MRAP2: variants seen among roughly 807,000 people sequenced by gnomAD.
MRAP2 encodes the protein melanocortin 2 receptor accessory protein 2.
A neutral mutation model predicts 17.4 loss-of-function variants in MRAP2; 20 were observed. The ratio of observed to expected loss-of-function variants is 1.15; its 90% CI spans 0.81 to 1.67. The LOEUF (loss-of-function observed/expected upper bound fraction) is 1.67, where lower values mean the gene tolerates loss of function less well. Ranked by LOEUF, MRAP2 falls within the 40% of genes most tolerant of loss-of-function variation. The pLI is 0.00. For synonymous variants in MRAP2, 96 were observed against 88.4 expected, an observed-to-expected ratio of 1.09 and a Z score of -0.48; for missense variants, 238 against 240.0, an observed-to-expected ratio of 0.99 and a Z score of 0.05.
Position 84,062,969 on chromosome 6 carries a change from C to A in MRAP2, c.204C>A (p.Thr68=). The A allele has an allele frequency of 6.2e-7, 1 of 1,614,050 alleles. No homozygotes were observed. The highest frequency in any genetic ancestry group is 8.5e-7 in the Non-Finnish European group (1 of 1,180,004). ...TGTTTTTTGTGCTGACCTTGCTGAC[C>A]AAGACAGGAGCCCCACACCAAGAGT... ...IFMFFVLTLL[T]KTGAPHQDNA... is the part of the protein sequence containing the mutation. The change falls in exon 3 of 4, where the codon ACC becomes ACA. Residue 68 remains threonine, a synonymous_variant. Transcript: ENST00000257776.
At chr6:84,145,019 T>G in the MRAP2 span, among the ~76,000 whole-genome samples, 1 of 152,154 alleles carries the variant, frequency 6.6e-6, no homozygotes, top group Non-Finnish European at 1.5e-5. Flanking sequence ...AGGCTTTGAT[T>G]GGAATGTCAT....
chr6:84,082,664 G>A (rs559181741), intron 3 of MRAP2, among the ~76,000 whole-genome samples: 7 of 152,158 alleles, frequency 4.6e-5, no homozygotes, highest in Non-Finnish European at 8.8e-5. Flanking sequence ...GGCTGATCTC[G>A]AACTTCAGAG....
rs546978708 is a variant in MRAP2 at position 84,038,076 on chromosome 6, C to T, written c.-8+4193C>T. ...CACAGGGGCCTAGGTGGCTGGATCA[C>T]TCACCTTCCCAGAGTTTGTTGGGCA... On this transcript the variant is annotated intron_variant, in intron 1 of 3. Coordinates refer to ENST00000257776, the MANE Select transcript of MRAP2 (RefSeq NM_138409.4). Among the ~76,000 whole-genome samples, 17 of 152,314 alleles carry T rather than the reference C, an allele frequency of 1.1e-4. No homozygotes were observed. The South Asian group carries it at 3.5e-3, about 32-fold the overall frequency.
chr6:84,073,245 C>A (rs1002408754), intron 3 of MRAP2, among the ~76,000 whole-genome samples: 2 of 152,122 alleles, frequency 1.3e-5, no homozygotes, highest in African/African-American at 4.8e-5. Flanking sequence ...ACCCAGCGAG[C>A]GCCCAGGGCC....
the MRAP2 span, among the ~76,000 whole-genome samples, chr6:84,111,437 A>T: frequency 8.5e-5 from 13 of 152,196 alleles, no homozygotes; most frequent in African/African-American, 2.9e-4. Context: ...AATGCTTGTG[A>T]TTCTGCACAT....
At position 84,090,625 on chromosome 6, in the gene MRAP2, G is replaced by A. The variant is rs951855777; in HGVS notation, c.*1144G>A. The A allele has an allele frequency of 1.3e-5, 2 of 152,176 alleles. No individual in the cohort carries two copies. The highest frequency in any genetic ancestry group is 4.8e-5 in the African/African-American group (2 of 41,448). The allele number at this position is 152,176 out of a possible 1,614,324, so 9.4% of individuals were successfully genotyped here. A position where few individuals can be genotyped will look rare whatever the true frequency, so the allele number is the denominator to read the frequency against. On this transcript the variant is annotated 3_prime_UTR_variant, in exon 4 of 4. Coordinates refer to ENST00000257776, the MANE Select transcript of MRAP2 (RefSeq NM_138409.4). ...CAGATGTGTAGGTGATAGTCATCTG[G>A]CTTTGAGCTGAGATGGTCAGTGGGT...
intron 3 of MRAP2, among the ~76,000 whole-genome samples, chr6:84,070,622 C>A (rs1359479499): frequency 6.6e-6 from 1 of 152,058 alleles, no homozygotes; most frequent in Non-Finnish European, 1.5e-5. Context: ...TTGTTTAAAT[C>A]CATTGTTTAA....
At chr6:84,081,553 T>C (rs1350430342) in intron 3 of MRAP2, among the ~76,000 whole-genome samples, 2 of 152,226 alleles carry the variant, frequency 1.3e-5, no homozygotes, top group Non-Finnish European at 2.9e-5. Context: ...GCACAGTGGC[T>C]CATGCCTATA....
chr6:84,101,488 C>T, the MRAP2 span, among the ~76,000 whole-genome samples: 2 of 152,172 alleles, frequency 1.3e-5, no homozygotes, highest in Non-Finnish European at 1.5e-5. Context: ...GTGACACTCA[C>T]CTTGGGTAAT....
chr6:84,074,042 G>A (rs2099496952), intron 3 of MRAP2, among the ~76,000 whole-genome samples: 1 of 152,106 alleles, frequency 6.6e-6, no homozygotes, highest in Non-Finnish European at 1.5e-5. Context: ...GGAGCTTCTT[G>A]CAAAAGCTGG....
the MRAP2 span, among the ~76,000 whole-genome samples, chr6:84,129,091 T>C: frequency 1.3e-5 from 2 of 152,214 alleles, no homozygotes; most frequent in African/African-American, 2.4e-5. Context: ...CAATCTATCA[T>C]TGATGGGCAT....
chr6:84,076,843 C>T (rs1476283414), intron 3 of MRAP2, among the ~76,000 whole-genome samples: 1 of 152,122 alleles, frequency 6.6e-6, no homozygotes, highest in Non-Finnish European at 1.5e-5. Context: ...TGGAAAATTG[C>T]TAGTGGAATA....
At chr6:84,137,093 G>C in the MRAP2 span, among the ~76,000 whole-genome samples, 3 of 152,200 alleles carry the variant, frequency 2.0e-5, no homozygotes, top group Admixed American at 6.5e-5. Flanking sequence ...AAGGGAATAA[G>C]AGTCATACCT....
At chr6:84,056,429 A>G (rs2099491725) in intron 2 of MRAP2, among the ~76,000 whole-genome samples, 1 of 152,204 alleles carries the variant, frequency 6.6e-6, no homozygotes, top group Admixed American at 6.5e-5. Flanking sequence ...AGCAAAAATC[A>G]TTAATTAAAC....
chr6:84,123,650 T>A, the MRAP2 span, among the ~76,000 whole-genome samples: 5 of 152,018 alleles, frequency 3.3e-5, no homozygotes. Flanking sequence ...GAAAAACTCT[T>A]CAGAATGTTG....
At chr6:84,068,033 T>C (rs541434846) in intron 3 of MRAP2, among the ~76,000 whole-genome samples, 1 of 152,330 alleles carries the variant, frequency 6.6e-6, no homozygotes, top group South Asian at 2.1e-4. Context: ...GTCTTAAATT[T>C]AAGTCCTTAA....
chr6:84,145,811 G>C, the MRAP2 span, among the ~76,000 whole-genome samples: 1 of 152,020 alleles, frequency 6.6e-6, no homozygotes, highest in African/African-American at 2.4e-5. Context: ...CTTATAACTA[G>C]ACATACTCAA....
chr6:84,039,325 T>C (rs1015366982), intron 1 of MRAP2, among the ~76,000 whole-genome samples: 3 of 152,180 alleles, frequency 2.0e-5, no homozygotes, highest in African/African-American at 2.4e-5. Flanking sequence ...GGGAATGAGA[T>C]GTGTTTGAAG....
At chr6:84,064,666 T>G (rs1450136114) in intron 3 of MRAP2, among the ~76,000 whole-genome samples, 3 of 152,128 alleles carry the variant, frequency 2.0e-5, no homozygotes, top group Non-Finnish European at 4.4e-5. Flanking sequence ...TTTTTGTATT[T>G]TTAGTAGAGA....
Sources: gnomAD v4.1 joint callset for allele counts (sites outside exome capture counted in the v4.1 genomes callset) on GRCh38, gnomAD v4.1.1 for gene constraint, MANE v1.5 for transcripts, NCBI Gene and HGNC (gene_info 2026-07-23, HGNC 2026-07-21) for gene names.